FBXO34: variants seen among roughly 807,000 people sequenced by gnomAD.
FBXO34 encodes the protein F-box protein 34.
A neutral mutation model predicts 24.5 loss-of-function variants in FBXO34; 12 were observed. That is an observed-to-expected ratio of 0.49 (90% CI 0.31 to 0.79). FBXO34 has a LOEUF of 0.79. Among genes scored for constraint, FBXO34 ranks in the 30% least tolerant of loss-of-function variants. FBXO34 has a pLI of 0.04. For missense variants in FBXO34, 823 were observed against 857.7 expected, an observed-to-expected ratio of 0.96 and a Z score of 0.51; for synonymous variants, 320 against 311.9, an observed-to-expected ratio of 1.03 and a Z score of -0.27.
At chr14:55,382,067 C>A in the FBXO34 span, 2 of 1,614,072 alleles carry the variant, frequency 1.2e-6, no homozygotes, top group Non-Finnish European at 1.7e-6. Context: ...ATGCTGGTGT[C>A]TCCGTTGTGA....
chr14:55,273,998 G>A (rs1419003465), intron 1 of FBXO34, among the ~76,000 whole-genome samples: 1 of 152,140 alleles, frequency 6.6e-6, no homozygotes, highest in Admixed American at 6.5e-5. Flanking sequence ...CAAAGACGGG[G>A]TTTCACTGTG....
At chr14:55,410,298 A>G in the FBXO34 span, among the ~76,000 whole-genome samples, 1 of 152,232 alleles carries the variant, frequency 6.6e-6, no homozygotes, top group African/African-American at 2.4e-5. Context: ...AGTCTTAAGC[A>G]TATAGATGGT....
chr14:55,408,143 T>G, the FBXO34 span, among the ~76,000 whole-genome samples: 1 of 152,088 alleles, frequency 6.6e-6, no homozygotes, highest in Non-Finnish European at 1.5e-5. Context: ...CAAAATGAAA[T>G]AAACATGAAG....
chr14:55,363,189 ATT>A (rs577527169), downstream of FBXO34, among the ~76,000 whole-genome samples: 28 of 137,396 alleles, frequency 2.0e-4, no homozygotes, highest in Non-Finnish European at 2.4e-4. Context: ...CGCCTGGCTA[ATT>A]TTTTTTTTTT....
At chr14:55,316,983 A>G (rs903199329) in intron 1 of FBXO34, among the ~76,000 whole-genome samples, 2 of 152,204 alleles carry the variant, frequency 1.3e-5, no homozygotes, top group African/African-American at 4.8e-5. Flanking sequence ...AGTACGGCTT[A>G]TCAACTAAGC....
chr14:55,425,002 T>C, the FBXO34 span, among the ~76,000 whole-genome samples: 1 of 151,880 alleles, frequency 6.6e-6, no homozygotes, highest in Non-Finnish European at 1.5e-5. Context: ...ACAAGAAATA[T>C]AAGAAAAAAA....
chr14:55,431,951 T>A, the FBXO34 span, among the ~76,000 whole-genome samples: 22 of 152,134 alleles, frequency 1.4e-4, no homozygotes, highest in African/African-American at 4.8e-4. Flanking sequence ...CCAGCTATCC[T>A]TTTCCTATCA....
At chr14:55,348,439 C>G (rs977910929) in intron 1 of FBXO34, among the ~76,000 whole-genome samples, 2 of 152,146 alleles carry the variant, frequency 1.3e-5, no homozygotes, top group African/African-American at 4.8e-5. Context: ...GCCGCGTTGC[C>G]CAGGCTTTCC....
chr14:55,375,970 CTAAT>C, the FBXO34 span, among the ~76,000 whole-genome samples: 2 of 152,212 alleles, frequency 1.3e-5, no homozygotes, highest in African/African-American at 2.4e-5. Context: ...ATTTTCCCCC[CTAAT>C]TATTAATGGG....
chr14:55,441,143 G>A, the FBXO34 span, among the ~76,000 whole-genome samples: 1 of 152,040 alleles, frequency 6.6e-6, no homozygotes. Context: ...ACTGCACCCA[G>A]CCGTTTTTCT....
intron 1 of FBXO34, among the ~76,000 whole-genome samples, chr14:55,343,290 G>A (rs368208266): frequency 2.4e-4 from 33 of 137,532 alleles, no homozygotes; most frequent in African/African-American, 8.6e-4. Context: ...TTGCTCTGTC[G>A]CCCAGAACTA....
the FBXO34 span, among the ~76,000 whole-genome samples, chr14:55,408,645 C>G: frequency 2.0e-5 from 3 of 152,126 alleles, no homozygotes; most frequent in African/African-American, 7.2e-5. Context: ...GTGGAGCATG[C>G]CTGTAGTCCC....
At chr14:55,401,735 G>C in the FBXO34 span, among the ~76,000 whole-genome samples, 1 of 152,120 alleles carries the variant, frequency 6.6e-6, no homozygotes, top group Non-Finnish European at 1.5e-5. Flanking sequence ...ACAAGGAGAA[G>C]GGTGCTCGCA....
At chr14:55,442,266 G>C in the FBXO34 span, among the ~76,000 whole-genome samples, 1 of 151,184 alleles carries the variant, frequency 6.6e-6, no homozygotes, top group Non-Finnish European at 1.5e-5. Flanking sequence ...GTGTGCGCCT[G>C]TAATCCCAGC....
At chr14:55,405,478 T>G in the FBXO34 span, among the ~76,000 whole-genome samples, 1 of 152,218 alleles carries the variant, frequency 6.6e-6, no homozygotes, top group Non-Finnish European at 1.5e-5. Context: ...ATCTATATGT[T>G]CATACAATTT....
At chr14:55,353,835 G>A (rs938104679), downstream of FBXO34, among the ~76,000 whole-genome samples, 3 of 152,074 alleles carry the variant, frequency 2.0e-5, no homozygotes, top group Non-Finnish European at 4.4e-5. Flanking sequence ...TTTCCTGTTC[G>A]AGTGACGTAT....
At chr14:55,313,126 C>G (rs1211163637) in intron 1 of FBXO34, among the ~76,000 whole-genome samples, 1 of 152,178 alleles carries the variant, frequency 6.6e-6, no homozygotes, top group Non-Finnish European at 1.5e-5. Context: ...AAGTCACCTC[C>G]TAAGCTTTGC....
chr14:55,430,221 T>C, the FBXO34 span, among the ~76,000 whole-genome samples: 1 of 152,172 alleles, frequency 6.6e-6, no homozygotes, highest in East Asian at 1.9e-4. Context: ...TTTGGCCCTA[T>C]TTTTAGGCTG....
At chr14:55,417,241 A>G in the FBXO34 span, among the ~76,000 whole-genome samples, 34 of 152,284 alleles carry the variant, frequency 2.2e-4, no homozygotes, top group African/African-American at 8.2e-4. Context: ...TCCTTCCTTT[A>G]CACCAAAAGT....
Sources: gnomAD v4.1 joint callset for allele counts (sites outside exome capture counted in the v4.1 genomes callset) on GRCh38, gnomAD v4.1.1 for gene constraint, MANE v1.5 for transcripts, NCBI Gene and HGNC (gene_info 2026-07-23, HGNC 2026-07-21) for gene names.